The following DCLK2 variants were observed in gnomAD, a reference collection of about 807,000 sequenced individuals.
DCLK2 encodes the protein serine/threonine-protein kinase DCLK2.
A neutral mutation model predicts 78.4 loss-of-function variants in DCLK2; 31 were observed. The observed-to-expected ratio is 0.40, with a 90% CI of 0.30 to 0.53. The LOEUF (loss-of-function observed/expected upper bound fraction) is 0.53, where lower values mean the gene tolerates loss of function less well. DCLK2 is among the 20% of genes least tolerant of loss of function. The pLI is 0.61. For synonymous variants in DCLK2, 407 were observed against 374.9 expected (o/e 1.09, Z -0.99); for missense variants, 872 against 973.7 (o/e 0.90, Z 1.39).
At chr4:150,118,149 G>A (rs888146254) in intron 2 of DCLK2, among the ~76,000 whole-genome samples, 3 of 152,140 alleles carry the variant, frequency 2.0e-5, no homozygotes, top group Non-Finnish European at 2.9e-5. Flanking sequence ...TCTGGGAGAG[G>A]CTTCAATGGT....
intron 2 of DCLK2, among the ~76,000 whole-genome samples, chr4:150,184,566 G>T (rs1445169037): frequency 6.6e-6 from 1 of 150,628 alleles, no homozygotes; most frequent in African/African-American, 2.4e-5. Context: ...CAGGAAATGG[G>T]TGTCAGTCTT....
chr4:150,176,232 C>T (rs1353259000), intron 2 of DCLK2, among the ~76,000 whole-genome samples: 1 of 152,148 alleles, frequency 6.6e-6, no homozygotes, highest in South Asian at 2.1e-4. Context: ...ATACTATGAG[C>T]CCTGAGCCTG....
At chr4:150,109,745 A>G (rs1259518512) in intron 2 of DCLK2, among the ~76,000 whole-genome samples, 9 of 152,214 alleles carry the variant, frequency 5.9e-5, no homozygotes, top group Admixed American at 5.2e-4. Context: ...AGCAATGGAA[A>G]ATTTATCCCA....
intron 12 of DCLK2, among the ~76,000 whole-genome samples, chr4:150,242,744 G>T (rs1743019742): frequency 1.3e-5 from 2 of 152,186 alleles, no homozygotes; most frequent in Admixed American, 1.3e-4. Context: ...CTCAGCCTCT[G>T]CTCACCTCAC....
At position 150,175,011 on chromosome 4, in the gene DCLK2, A is replaced by AAAATATATATATAT. The variant is rs1454035697; in HGVS notation, c.757-18126_757-18125insAATATATATATATA. Among the ~76,000 whole-genome samples, 11 of 9,976 alleles carry AAAATATATATATAT rather than the reference A, an allele frequency of 1.1e-3. 1 individual carries two copies. The highest frequency in any genetic ancestry group is 3.0e-3 in the East Asian group (2 of 660). The allele number at this position is 9,976 out of a possible 152,430, so 6.5% of individuals were successfully genotyped here. On this transcript the variant is annotated intron_variant, in intron 2 of 15. Coordinates refer to ENST00000296550, the MANE Select transcript of DCLK2 (RefSeq NM_001040260.4). ...AGACTCCGTCGCAAAAAAAAAAAAAAATATATATATATATATATATATTTA... is the reference window on the plus strand; with the variant it reads ...AGACTCCGTCGCAAAAAAAAAAAAAAAAATATATATATATATATATATATATATATATATATTTA...
chr4:150,101,450 T>C (rs942174033), intron 1 of DCLK2, among the ~76,000 whole-genome samples: 51 of 152,142 alleles, frequency 3.4e-4, no homozygotes, highest in African/African-American at 1.2e-3. Context: ...TACTTCTGTT[T>C]TAAGTATTTA....
At chr4:150,247,083 A>T (rs1743375228) in intron 12 of DCLK2, among the ~76,000 whole-genome samples, 1 of 152,048 alleles carries the variant, frequency 6.6e-6, no homozygotes, top group Non-Finnish European at 1.5e-5. Context: ...AGGAGATCGG[A>T]CTTAGATTTT....
chr4:150,173,261 G>A (rs1435747090), intron 2 of DCLK2, among the ~76,000 whole-genome samples: 1 of 152,150 alleles, frequency 6.6e-6, no homozygotes, highest in Non-Finnish European at 1.5e-5. Flanking sequence ...ACTCTGCAGT[G>A]GTAGCATGGG....
chr4:150,133,054 G>C (rs12500357), intron 2 of DCLK2, among the ~76,000 whole-genome samples: 14,436 of 152,078 alleles, frequency 0.095, 877 homozygotes, highest in Middle Eastern at 0.14. Flanking sequence ...TATTACTCAC[G>C]ACTTAAAAAA....
intron 1 of DCLK2, among the ~76,000 whole-genome samples, chr4:150,101,824 G>A (rs1730909863): frequency 6.6e-6 from 1 of 152,068 alleles, no homozygotes. Flanking sequence ...ATACAGAAAA[G>A]CGTATATTTA....
chr4:150,197,153 CA>C (rs56913717), intron 3 of DCLK2, among the ~76,000 whole-genome samples: 95,188 of 126,530 alleles, frequency 0.75, 36,554 homozygotes, highest in Middle Eastern at 0.9. Flanking sequence ...GACTCCGTCT[CA>C]AAAAAAAAAA....
At chr4:150,195,316 ATT>A (rs56174464) in intron 3 of DCLK2, among the ~76,000 whole-genome samples, 1 of 4,690 alleles carries the variant, frequency 2.1e-4, no homozygotes, top group African/African-American at 4.3e-4. Flanking sequence ...TATATTATAT[ATT>A]ATATTATATA....
At chr4:150,200,035 T>C (rs538978509) in intron 4 of DCLK2, among the ~76,000 whole-genome samples, 1 of 152,256 alleles carries the variant, frequency 6.6e-6, no homozygotes, top group South Asian at 2.1e-4. Flanking sequence ...AAAATTTTAA[T>C]AAAAGGGAGA....
chr4:150,208,380 G>A (rs1438632259), intron 5 of DCLK2, among the ~76,000 whole-genome samples: 5 of 150,056 alleles, frequency 3.3e-5, no homozygotes, highest in East Asian at 3.9e-4. Flanking sequence ...TCAAGATGGA[G>A]AAACGGAGTT....
At chr4:150,158,777 G>A (rs1735500465) in intron 2 of DCLK2, among the ~76,000 whole-genome samples, 1 of 152,102 alleles carries the variant, frequency 6.6e-6, no homozygotes, top group Non-Finnish European at 1.5e-5. Flanking sequence ...ATTTGTTGGA[G>A]GTGGATGAAT....
chr4:150,108,209 T>A (rs1196516714), intron 2 of DCLK2, among the ~76,000 whole-genome samples: 2 of 152,114 alleles, frequency 1.3e-5, no homozygotes, highest in Admixed American at 1.3e-4. Context: ...TAAATGTTTT[T>A]AAAAATAAAA....
intron 2 of DCLK2, among the ~76,000 whole-genome samples, chr4:150,166,593 A>G (rs1254613933): frequency 6.6e-6 from 1 of 152,204 alleles, no homozygotes; most frequent in Non-Finnish European, 1.5e-5. Context: ...TTATCTTTGA[A>G]GGGGTGAAGT....
chr4:150,086,143 A>G (rs1459525933), intron 1 of DCLK2, among the ~76,000 whole-genome samples: 1 of 152,180 alleles, frequency 6.6e-6, no homozygotes, highest in African/African-American at 2.4e-5. Flanking sequence ...TGTCTTGTTT[A>G]TCCTTTTATC....
intron 2 of DCLK2, among the ~76,000 whole-genome samples, chr4:150,163,450 C>T (rs1044300685): frequency 1.3e-5 from 2 of 152,080 alleles, no homozygotes; most frequent in Non-Finnish European, 2.9e-5. Context: ...ATTTAAATAT[C>T]ATTCATTCCC....
Sources: allele counts gnomAD v4.1 joint callset (sites outside exome capture counted in the v4.1 genomes callset), GRCh38; gene constraint gnomAD v4.1.1; transcripts MANE v1.5; gene names NCBI Gene and HGNC (gene_info 2026-07-23, HGNC 2026-07-21).